Variants in CACNA1A observed in about 807,000 individuals in gnomAD.
CACNA1A encodes calcium voltage-gated channel subunit alpha1 A.
CACNA1A carries 57 observed loss-of-function variants against 262.4 expected under a neutral mutation model. The observed-to-expected ratio is 0.22, with a 90% CI of 0.18 to 0.27. The LOEUF (loss-of-function observed/expected upper bound fraction) is 0.27. CACNA1A is among the 10% of genes least tolerant of loss of function. The pLI, the probability that CACNA1A is intolerant of heterozygous loss-of-function variation, is 1.00. For missense variants in CACNA1A, 2,526 were observed against 3,562.8 expected (o/e 0.71, Z 7.41); for synonymous variants, 1,431 against 1,419.3 (o/e 1.01, Z -0.18).
chr19:13,444,657 C>T (rs996326683), intron 3 of CACNA1A, among the ~76,000 whole-genome samples: 1 of 152,108 alleles, frequency 6.6e-6, no homozygotes, highest in Non-Finnish European at 1.5e-5. Flanking sequence ...GTGGCAGAAC[C>T]TGAGGGGTGA....
chr19:13,220,371 G>A (rs1384966825), intron 38 of CACNA1A, among the ~76,000 whole-genome samples: 7 of 152,190 alleles, frequency 4.6e-5, no homozygotes, highest in Admixed American at 3.9e-4. Flanking sequence ...TCTCTGCTGG[G>A]TGGCAGATGG....
At chr19:13,486,853 T>C (rs1351634833) in intron 1 of CACNA1A, among the ~76,000 whole-genome samples, 1 of 151,822 alleles carries the variant, frequency 6.6e-6, no homozygotes, top group South Asian at 2.1e-4. Flanking sequence ...TTTCTTTCTC[T>C]CTCATCTCTC....
Position 13,212,863 on chromosome 19 carries a change from A to G in CACNA1A, c.5941-123T>C. On this transcript the variant is annotated intron_variant, in intron 40 of 46. Coordinates refer to ENST00000360228, the MANE Select transcript of CACNA1A (RefSeq NM_001127222.2). The surrounding 1 kb of genome is among the most constrained non-coding windows in gnomAD (Gnocchi z 5.6). ...ACACACACACACTCTCTCAGGTCTC[A>G]TCCATCTAGACCCTTCCAATTCCAC... The G allele has an allele frequency of 1.9e-6, 1 of 539,522 alleles. No individual in the cohort carries two copies. The allele number at this position is 539,522 out of a possible 1,614,324, so 33.4% of individuals were successfully genotyped here.
chr19:13,310,103 C>G (rs4926264), intron 12 of CACNA1A, among the ~76,000 whole-genome samples: 2 of 151,866 alleles, frequency 1.3e-5, no homozygotes, highest in African/African-American at 4.8e-5. Context: ...TTTCTTTTAC[C>G]GAGCGTTGTG....
chr19:13,428,830 T>A (rs1015855890), intron 3 of CACNA1A, among the ~76,000 whole-genome samples: 3 of 152,072 alleles, frequency 2.0e-5, no homozygotes, highest in Non-Finnish European at 4.4e-5. Context: ...ATTTCTTTGC[T>A]TCTACCATAT....
Position 13,506,126 on chromosome 19 carries a change from G to A in CACNA1A, c.99C>T (p.Ala33=), listed in dbSNP as rs780114187. The change falls in exon 1 of 47, where the codon GCC becomes GCT. Residue 33 remains alanine (A), a synonymous_variant. Coordinates refer to ENST00000360228, the MANE Select transcript of CACNA1A (RefSeq NM_001127222.2). The stretch of plus-strand genomic sequence containing the variant: ...GCTGCCCGCCCTGCCGGCTGCCCCC[G>A]GCTCCTCGCCCGCCTCCGCTGCCCA... ...VVVGSGGGRG[A]GGSRQGGQPG... The A allele has an allele frequency of 1.2e-6, 2 of 1,605,410 alleles. No homozygotes were observed. Among genetic ancestry groups the A allele is most frequent in the South Asian group, 1.1e-5 (1 of 90,100 alleles).
chr19:13,311,623 G>A (rs563870383), intron 12 of CACNA1A, among the ~76,000 whole-genome samples: 1 of 152,280 alleles, frequency 6.6e-6, no homozygotes, highest in East Asian at 1.9e-4. Flanking sequence ...GGATCACGAG[G>A]TCAGGAGATC....
At chr19:13,250,939 C>A (rs2056378487) in intron 30 of CACNA1A, among the ~76,000 whole-genome samples, 1 of 151,628 alleles carries the variant, frequency 6.6e-6, no homozygotes. Context: ...CGAGACCAGC[C>A]TGGCCAACAT....
chr19:13,343,963 C>T (rs2058716855), intron 6 of CACNA1A, among the ~76,000 whole-genome samples: 1 of 152,174 alleles, frequency 6.6e-6, no homozygotes, highest in South Asian at 2.1e-4. Context: ...CTCATCCCAG[C>T]ACTTTGGGGG....
chr19:13,279,908 A>C (rs890912416), intron 22 of CACNA1A, among the ~76,000 whole-genome samples: 1 of 151,776 alleles, frequency 6.6e-6, no homozygotes, highest in Non-Finnish European at 1.5e-5. Context: ...TCCTGGGTTC[A>C]AGTGATTCTT....
chr19:13,322,637 C>A (rs2058278803), intron 10 of CACNA1A, among the ~76,000 whole-genome samples: 1 of 151,904 alleles, frequency 6.6e-6, no homozygotes, highest in Non-Finnish European at 1.5e-5. Flanking sequence ...ACTCTGTCAC[C>A]CAGGCTGGAG....
At chr19:13,413,895 A>AGAAAGAAAG (rs1555783333) in intron 3 of CACNA1A, among the ~76,000 whole-genome samples, 1 of 119,136 alleles carries the variant, frequency 8.4e-6, no homozygotes, top group African/African-American at 4.1e-5. Context: ...GAAAGAAAGA[A>AGAAAGAAAG]AAAGAAAGAA....
chr19:13,414,805 A>T (rs1429304812), intron 3 of CACNA1A, among the ~76,000 whole-genome samples: 1 of 151,782 alleles, frequency 6.6e-6, no homozygotes, highest in Non-Finnish European at 1.5e-5. Context: ...CAAAAGTCCT[A>T]AAAAAAATTT....
chr19:13,402,869 CACACATATATATATATATATATATATAT>C (rs2059929206), intron 3 of CACNA1A, among the ~76,000 whole-genome samples: 2 of 75,682 alleles, frequency 2.6e-5, no homozygotes, highest in African/African-American at 1.1e-4. Context: ...CACACACACA[CACACATATATATATATATATATATATAT>C]ATATATATAT....
At chr19:13,505,853 T>C in intron 1 of CACNA1A, 79 bp downstream of exon 1, 10 of 1,449,746 alleles carry the variant, frequency 6.9e-6, no homozygotes, top group Non-Finnish European at 9.5e-6. Context: ...CCCCCGGGTC[T>C]CTCTCCCAGC....
intron 10 of CACNA1A, among the ~76,000 whole-genome samples, chr19:13,328,637 G>T (rs1273334757): frequency 1.3e-5 from 2 of 152,024 alleles, no homozygotes; most frequent in Admixed American, 6.6e-5. Context: ...AAGGGTGGGG[G>T]GAGTCATTGT....
At chr19:13,402,401 G>A (rs751219291) in intron 3 of CACNA1A, among the ~76,000 whole-genome samples, 8 of 152,102 alleles carry the variant, frequency 5.3e-5, no homozygotes, top group Non-Finnish European at 1.0e-4. Flanking sequence ...AGTAGGAGGT[G>A]AGCACTGGAT....
chr19:13,483,925 G>T (rs1264419867), intron 1 of CACNA1A, among the ~76,000 whole-genome samples: 2 of 152,154 alleles, frequency 1.3e-5, no homozygotes. Context: ...CAAGTCAACA[G>T]GTAGATATTT....
At chr19:13,313,559 C>G (rs562824375) in intron 11 of CACNA1A, among the ~76,000 whole-genome samples, 2 of 146,502 alleles carry the variant, frequency 1.4e-5, no homozygotes, top group East Asian at 4.1e-4. Flanking sequence ...AACAAGCTAA[C>G]CAACCTTAGG....
Sources: allele counts gnomAD v4.1 joint callset (sites outside exome capture counted in the v4.1 genomes callset), GRCh38; gene constraint gnomAD v4.1.1; non-coding constraint Gnocchi (gnomAD v3.1); transcripts MANE v1.5; gene names NCBI Gene and HGNC (gene_info 2026-07-23, HGNC 2026-07-21).